Variants in PTPRT observed in about 807,000 individuals in gnomAD.
PTPRT encodes the protein protein tyrosine phosphatase receptor type T.
In PTPRT, 56 loss-of-function variants were observed where a neutral mutation model predicts 176.8. The ratio of observed to expected loss-of-function variants is 0.32; its 90% CI spans 0.26 to 0.40. The LOEUF (loss-of-function observed/expected upper bound fraction) is 0.40. Ranked by LOEUF, PTPRT falls within the 10% of genes least tolerant of loss-of-function variation. PTPRT has a pLI of 1.00. For synonymous variants in PTPRT, 783 were observed against 739.0 expected, an observed-to-expected ratio of 1.06 and a Z score of -0.96; for missense variants, 1,540 against 1,908.2, an observed-to-expected ratio of 0.81 and a Z score of 3.60.
intron 1 of PTPRT, among the ~76,000 whole-genome samples, chr20:43,105,503 T>G (rs1313893234): frequency 6.6e-6 from 1 of 151,806 alleles, no homozygotes; most frequent in East Asian, 1.9e-4. Context: ...TGGGTTCGAG[T>G]GTTTCTCATG....
At chr20:42,333,168 C>T (rs996589495) in intron 11 of PTPRT, among the ~76,000 whole-genome samples, 2 of 151,946 alleles carry the variant, frequency 1.3e-5, no homozygotes, top group Admixed American at 1.3e-4. Flanking sequence ...TTTATTTCAA[C>T]CAAAACAATT....
Position 43,073,523 on chromosome 20 carries a change from T to C in PTPRT, c.88+116123A>G, listed in dbSNP as rs1177387069. On this transcript the variant is annotated intron_variant, in intron 1 of 30. Coordinates refer to ENST00000373187, the MANE Select transcript of PTPRT (RefSeq NM_007050.6). Reference sequence around the variant, plus strand: ...TGCTATACACACGTGTGTATATATATACATAGGTGTGTATATAGCACATGT... The same window carrying C: ...TGCTATACACACGTGTGTATATATACACATAGGTGTGTATATAGCACATGT... Among the ~76,000 whole-genome samples, 3 of 151,728 alleles carry C rather than the reference T, an allele frequency of 2.0e-5. 1 individual carries two copies. The highest frequency in any genetic ancestry group is 4.2e-4 in the South Asian group (2 of 4,808).
At chr20:42,435,944 A>C (rs1259064521) in intron 9 of PTPRT, among the ~76,000 whole-genome samples, 1 of 152,212 alleles carries the variant, frequency 6.6e-6, no homozygotes, top group Non-Finnish European at 1.5e-5. Flanking sequence ...GAGCTCAGAA[A>C]AAAATTCATG....
chr20:42,595,796 T>C (rs1027537404), intron 7 of PTPRT, among the ~76,000 whole-genome samples: 2 of 152,192 alleles, frequency 1.3e-5, no homozygotes, highest in Non-Finnish European at 2.9e-5. Context: ...TGGAGTTTGC[T>C]TGTTGCAAGG....
chr20:42,538,521 G>A (rs2072516696), intron 7 of PTPRT, among the ~76,000 whole-genome samples: 1 of 152,190 alleles, frequency 6.6e-6, no homozygotes, highest in African/African-American at 2.4e-5. Context: ...AATCAGAGGA[G>A]CATCTTGCTA....
intron 1 of PTPRT, among the ~76,000 whole-genome samples, chr20:42,949,742 C>A (rs114077066): frequency 6.6e-6 from 1 of 152,190 alleles, no homozygotes; most frequent in African/African-American, 2.4e-5. Context: ...GCAAAGATAA[C>A]TGAACCACTC....
In PTPRT at chr20:42,614,500, C is replaced by T. The variant is rs147498379; in HGVS notation, c.1153+63366G>A. On this transcript the variant is annotated intron_variant, in intron 7 of 30. Transcript: ENST00000373187. ...AAACTGTACAATCTCCAAGTGATAGCGTGGGTTCCAGTGTCAGCCGAGCTA... is the reference window on the plus strand; with the variant it reads ...AAACTGTACAATCTCCAAGTGATAGTGTGGGTTCCAGTGTCAGCCGAGCTA... 7.5e-3 allele frequency among the ~76,000 whole-genome samples: 1,134 copies of T among 152,144 alleles called. 7 individuals are homozygous for T. The highest frequency in any genetic ancestry group is 0.012 in the Non-Finnish European group (817 of 67,992).
At chr20:42,175,596 G>A (rs766990675) in intron 16 of PTPRT, among the ~76,000 whole-genome samples, 1 of 152,094 alleles carries the variant, frequency 6.6e-6, no homozygotes, top group Non-Finnish European at 1.5e-5. Context: ...CTAGGGGGCT[G>A]GGTTGCAAAG....
intron 6 of PTPRT, among the ~76,000 whole-genome samples, chr20:42,706,854 G>C (rs1258890573): frequency 6.6e-6 from 1 of 152,184 alleles, no homozygotes. Flanking sequence ...TGGAAATAGG[G>C]TTGTTGCAGA....
At chr20:42,159,072 A>G (rs1989474094) in intron 17 of PTPRT, among the ~76,000 whole-genome samples, 1 of 150,982 alleles carries the variant, frequency 6.6e-6, no homozygotes, top group Admixed American at 6.6e-5. Context: ...AAGTTCTTAC[A>G]TATGTGTTTC....
intron 16 of PTPRT, among the ~76,000 whole-genome samples, chr20:42,175,825 G>A (rs114956688): frequency 1.5e-3 from 224 of 152,136 alleles, no homozygotes; most frequent in African/African-American, 5.2e-3. Flanking sequence ...TGGGAAGATA[G>A]GTAATAAAAT....
chr20:42,697,110 G>A (rs1376029380), intron 6 of PTPRT, among the ~76,000 whole-genome samples: 1 of 152,030 alleles, frequency 6.6e-6, no homozygotes, highest in Non-Finnish European at 1.5e-5. Flanking sequence ...GGTACAAGCG[G>A]ATGCACCAGA....
intron 7 of PTPRT, among the ~76,000 whole-genome samples, chr20:42,609,245 T>C (rs926853524): frequency 6.6e-6 from 1 of 151,968 alleles, no homozygotes; most frequent in Non-Finnish European, 1.5e-5. Flanking sequence ...GGCTAATTTT[T>C]GTATTTTTAG....
At chr20:42,651,963 G>T (rs1437534609) in intron 7 of PTPRT, among the ~76,000 whole-genome samples, 1 of 151,934 alleles carries the variant, frequency 6.6e-6, no homozygotes, top group Non-Finnish European at 1.5e-5. Flanking sequence ...CATGAGAATT[G>T]CTTGAACCCG....
At chr20:42,831,166 G>C (rs543879608) in intron 2 of PTPRT, among the ~76,000 whole-genome samples, 33 of 152,258 alleles carry the variant, frequency 2.2e-4, no homozygotes, top group Admixed American at 6.5e-4. Flanking sequence ...GCACGGTATA[G>C]GTACCAAAAC....
intron 1 of PTPRT, among the ~76,000 whole-genome samples, chr20:43,066,593 T>C (rs111808661): frequency 9.6e-4 from 146 of 152,248 alleles, no homozygotes; most frequent in African/African-American, 3.4e-3. Context: ...TCCAACCGAA[T>C]TGCACTTCCC....
downstream of PTPRT, among the ~76,000 whole-genome samples, chr20:42,071,043 C>CCCATGTCA (rs1268793246): frequency 2.6e-5 from 4 of 152,236 alleles, no homozygotes; most frequent in African/African-American, 4.8e-5. Context: ...CACCAGGTTC[C>CCCATGTCA]CCATGTCATA....
At chr20:42,551,685 C>CCCCTTGAA (rs2072773924) in intron 7 of PTPRT, among the ~76,000 whole-genome samples, 1 of 152,166 alleles carries the variant, frequency 6.6e-6, no homozygotes, top group Non-Finnish European at 1.5e-5. Flanking sequence ...TTACGGTCTG[C>CCCCTTGAA]CCCTTGAACT....
chr20:42,826,186 A>C (rs950969462), intron 2 of PTPRT, among the ~76,000 whole-genome samples: 1 of 152,080 alleles, frequency 6.6e-6, no homozygotes, highest in African/African-American at 2.4e-5. Flanking sequence ...CAACATACTG[A>C]GTGAAGACAG....
Sources: allele counts gnomAD v4.1 joint callset (sites outside exome capture counted in the v4.1 genomes callset), GRCh38; gene constraint gnomAD v4.1.1; transcripts MANE v1.5; gene names NCBI Gene and HGNC (gene_info 2026-07-23, HGNC 2026-07-21).